Variants in RELN observed in about 807,000 individuals in gnomAD.
The protein encoded by RELN is reelin.
In RELN, 108 loss-of-function variants were observed where a neutral mutation model predicts 427.6. The observed-to-expected ratio is 0.25, with a 90% CI of 0.22 to 0.30. The LOEUF (loss-of-function observed/expected upper bound fraction) is 0.30, where lower values mean the gene tolerates loss of function less well. Among genes scored for constraint, RELN ranks in the 10% least tolerant of loss-of-function variants. The pLI is 1.00. For synonymous variants in RELN, 1,524 were observed against 1,513.4 expected (o/e 1.01, Z -0.16); for missense variants, 3,715 against 4,302.8 (o/e 0.86, Z 3.82).
intron 3 of RELN, among the ~76,000 whole-genome samples, chr7:103,820,021 C>T (rs1792975197): frequency 1.3e-5 from 2 of 151,844 alleles, no homozygotes; most frequent in Admixed American, 1.3e-4. Context: ...TTTAATTGTT[C>T]ATTTACAAAA....
intron 1 of RELN, among the ~76,000 whole-genome samples, chr7:103,957,285 A>G (rs1003674846): frequency 1.2e-4 from 18 of 152,208 alleles, no homozygotes; most frequent in Non-Finnish European, 2.2e-4. Flanking sequence ...TATTCTTTTT[A>G]TATACAGTTT....
intron 3 of RELN, among the ~76,000 whole-genome samples, chr7:103,795,601 G>A (rs796635299): frequency 1.3e-5 from 2 of 152,282 alleles, no homozygotes; most frequent in African/African-American, 4.8e-5. Context: ...CCTTTGCTGG[G>A]AAGACATGAA....
chr7:103,644,077 C>T (rs2117370840), intron 16 of RELN, among the ~76,000 whole-genome samples: 1 of 151,818 alleles, frequency 6.6e-6, no homozygotes, highest in East Asian at 1.9e-4. Flanking sequence ...TGACCCTACA[C>T]AGCATACATT....
intron 8 of RELN, among the ~76,000 whole-genome samples, chr7:103,703,481 A>G (rs1834135557): frequency 6.6e-6 from 1 of 152,110 alleles, no homozygotes; most frequent in Non-Finnish European, 1.5e-5. Flanking sequence ...CAGGTGCTTA[A>G]TGTCACTCCT....
chr7:103,728,046 T>C lies in RELN; in HGVS notation c.753+65A>G, dbSNP rs1324018196. The C allele has an allele frequency of 5.9e-6, 9 of 1,527,666 alleles. No homozygotes were observed. In the East Asian group the frequency reaches 2.0e-4, roughly 35 times the overall value. The allele number at this position is 1,527,666 out of a possible 1,614,324, so 94.6% of individuals were successfully genotyped here. A position where few individuals can be genotyped will look rare whatever the true frequency, so the allele number is the denominator to read the frequency against. The stretch of plus-strand genomic sequence containing the variant: ...TGAACTTTAAGAGCATAAGAAAAAC[T>C]TTTGTTGGCAAAAAGCTCAGTAAAT... On this transcript the variant is annotated intron_variant, in intron 7 of 64. Coordinates refer to ENST00000428762, the MANE Select transcript of RELN (RefSeq NM_005045.4).
In RELN at chr7:103,522,013, A is replaced by C. The variant is rs755057174; in HGVS notation, c.7668+9T>G. On this transcript the variant is annotated intron_variant, in intron 48 of 64. Transcript: ENST00000428762. The stretch of plus-strand genomic sequence containing the variant: ...AGCAGAAATGAGTAACCAGCAGCCA[A>C]ACACTCACCCCACTGAAATGGAGAG... 10 of 1,613,890 alleles carry C rather than the reference A, an allele frequency of 6.2e-6. No individual in the cohort carries two copies. The highest frequency in any genetic ancestry group is 3.3e-5 in the South Asian group (3 of 91,068).
intron 2 of RELN, among the ~76,000 whole-genome samples, chr7:103,913,601 C>T (rs1257627496): frequency 1.3e-5 from 2 of 152,126 alleles, no homozygotes; most frequent in East Asian, 3.9e-4. Context: ...TTTTCCTCTA[C>T]TTTCCTACCC....
At chr7:103,566,885 A>G in intron 31 of RELN, 126 bp from the exon 32 acceptor site, 4 of 889,294 alleles carry the variant, frequency 4.5e-6, no homozygotes, top group Non-Finnish European at 7.3e-6. Context: ...ACATTTGTGT[A>G]ACTTCCAAGG....
intron 8 of RELN, among the ~76,000 whole-genome samples, chr7:103,701,527 G>A (rs1005655252): frequency 3.3e-5 from 5 of 151,976 alleles, no homozygotes; most frequent in African/African-American, 1.2e-4. Context: ...GGATGTGATT[G>A]ATATTACTCT....
At chr7:103,847,252 T>G (rs1287215644) in intron 2 of RELN, among the ~76,000 whole-genome samples, 1 of 152,168 alleles carries the variant, frequency 6.6e-6, no homozygotes, top group Non-Finnish European at 1.5e-5. Context: ...AAGGATGAGT[T>G]CATGTCCTTT....
chr7:103,553,182 A>G (rs983068649), intron 40 of RELN, among the ~76,000 whole-genome samples: 8 of 152,198 alleles, frequency 5.3e-5, no homozygotes, highest in African/African-American at 1.9e-4. Context: ...CAAGAATAGT[A>G]TGAGCCTTTT....
chr7:103,769,895 C>G (rs146543841), intron 4 of RELN, among the ~76,000 whole-genome samples: 3 of 152,112 alleles, frequency 2.0e-5, no homozygotes, highest in Non-Finnish European at 2.9e-5. Flanking sequence ...CTCTTAGGAG[C>G]GACTGCTGTT....
chr7:103,734,865 T>C (rs982534167), intron 6 of RELN, among the ~76,000 whole-genome samples: 3 of 152,210 alleles, frequency 2.0e-5, no homozygotes, highest in Non-Finnish European at 4.4e-5. Flanking sequence ...TCTTAAAAAC[T>C]GTTTTTTCAA....
intron 46 of RELN, among the ~76,000 whole-genome samples, chr7:103,530,681 C>T (rs1829918987): frequency 6.6e-6 from 1 of 152,120 alleles, no homozygotes; most frequent in Non-Finnish European, 1.5e-5. Flanking sequence ...TAGGCCCATA[C>T]CTATGTGTCC....
At chr7:103,763,166 G>C (rs938484028) in intron 4 of RELN, among the ~76,000 whole-genome samples, 5 of 152,180 alleles carry the variant, frequency 3.3e-5, no homozygotes, top group African/African-American at 1.2e-4. Flanking sequence ...GTTTTGTTAG[G>C]CTACTCCTAG....
intron 8 of RELN, among the ~76,000 whole-genome samples, chr7:103,719,096 G>A (rs2299373): frequency 0.15 from 23,243 of 152,092 alleles, 2,043 homozygotes; most frequent in East Asian, 0.3. Context: ...CTTTTAAAAA[G>A]TTAAATTAAA....
intron 3 of RELN, among the ~76,000 whole-genome samples, chr7:103,826,173 A>G (rs1476787560): frequency 2.8e-5 from 2 of 70,336 alleles, no homozygotes; most frequent in Non-Finnish European, 7.2e-5. Context: ...CCACCATGTT[A>G]TGACACAGGA....
chr7:103,921,887 T>C (rs1370784599), intron 1 of RELN, among the ~76,000 whole-genome samples: 1 of 152,160 alleles, frequency 6.6e-6, no homozygotes, highest in African/African-American at 2.4e-5. Context: ...TGTTAAGGTA[T>C]TCAGGTGCAG....
In RELN at chr7:103,896,992, G is replaced by A. The variant is rs189359938; in HGVS notation, c.337+20083C>T. Among the ~76,000 whole-genome samples the A allele has an allele frequency of 2.5e-3, 388 of 152,164 alleles. 4 individuals carry two copies. The highest frequency in any genetic ancestry group is 0.017 in the Middle Eastern group (5 of 294). On this transcript the variant is annotated intron_variant, in intron 2 of 64. Transcript: ENST00000428762. ...ACAATCATGGCAGAAGGTGAAGGAGGAGCAAAGGTATGTCTTACACGGCAG... is the reference window on the plus strand; with the variant it reads ...ACAATCATGGCAGAAGGTGAAGGAGAAGCAAAGGTATGTCTTACACGGCAG...
Sources: allele counts gnomAD v4.1 joint callset (sites outside exome capture counted in the v4.1 genomes callset), GRCh38; gene constraint gnomAD v4.1.1; transcripts MANE v1.5; gene names NCBI Gene and HGNC (gene_info 2026-07-23, HGNC 2026-07-21).